Variants in PRR16 observed in about 807,000 individuals in gnomAD.
The protein encoded by PRR16 is protein Largen.
In PRR16, 6 loss-of-function variants were observed where a neutral mutation model predicts 18.2. The observed-to-expected ratio is 0.33, with a 90% CI of 0.18 to 0.65. PRR16 has a LOEUF of 0.65. Ranked by LOEUF, PRR16 falls within the 30% of genes least tolerant of loss-of-function variation. PRR16 has a pLI of 0.74. For missense variants in PRR16, 412 were observed against 376.6 expected (o/e 1.09, Z -0.78); for synonymous variants, 151 against 147.8 (o/e 1.02, Z -0.16).
chr5:120,505,422 C>T (rs1750607676), intron 1 of PRR16, among the ~76,000 whole-genome samples: 1 of 151,432 alleles, frequency 6.6e-6, no homozygotes. Flanking sequence ...GGCAGGTGTC[C>T]AATCACAAAT....
chr5:120,555,065 C>G (rs1446483646), intron 1 of PRR16, among the ~76,000 whole-genome samples: 1 of 151,812 alleles, frequency 6.6e-6, no homozygotes, highest in Admixed American at 6.6e-5. Context: ...TTAATAATCT[C>G]TATACATTCT....
intron 1 of PRR16, among the ~76,000 whole-genome samples, chr5:120,556,233 G>GTTTTTTTTTTT (rs34053155): frequency 8.2e-6 from 1 of 121,760 alleles, no homozygotes; most frequent in African/African-American, 3.1e-5. Context: ...CAATTTCATT[G>GTTTTTTTTTTT]TTTTTTTTTT....
At chr5:120,539,186 A>G (rs939786578) in intron 1 of PRR16, among the ~76,000 whole-genome samples, 3 of 152,062 alleles carry the variant, frequency 2.0e-5, no homozygotes, top group Admixed American at 1.3e-4. Context: ...GAAGAATGCT[A>G]GGTTTTTAAA....
intron 1 of PRR16, among the ~76,000 whole-genome samples, chr5:120,645,726 C>A (rs933002100): frequency 6.6e-6 from 1 of 151,928 alleles, no homozygotes; most frequent in Non-Finnish European, 1.5e-5. Context: ...TCTCAAGAGC[C>A]AAGTTTCTTT....
the PRR16 span, among the ~76,000 whole-genome samples, chr5:120,729,222 A>G: frequency 6.6e-6 from 1 of 152,162 alleles, no homozygotes; most frequent in South Asian, 2.1e-4. Flanking sequence ...TTTTATAGCT[A>G]AACAAAGCCA....
At chr5:120,745,951 A>G in the PRR16 span, among the ~76,000 whole-genome samples, 11 of 148,892 alleles carry the variant, frequency 7.4e-5, no homozygotes, top group Admixed American at 6.8e-4. Context: ...ACCTCAAGTG[A>G]TTCACCCATC....
chr5:120,679,621 C>A (rs1756909948), intron 1 of PRR16, among the ~76,000 whole-genome samples: 1 of 152,082 alleles, frequency 6.6e-6, no homozygotes, highest in Admixed American at 6.5e-5. Flanking sequence ...TATTTTATTT[C>A]TTTCTAAATA....
At chr5:120,666,005 G>C (rs1258263865) in intron 1 of PRR16, among the ~76,000 whole-genome samples, 2 of 152,058 alleles carry the variant, frequency 1.3e-5, no homozygotes, top group African/African-American at 4.8e-5. Flanking sequence ...AAAGTCATTG[G>C]TAGCTTGATG....
At chr5:120,607,746 C>G (rs972698221) in intron 1 of PRR16, among the ~76,000 whole-genome samples, 2 of 151,912 alleles carry the variant, frequency 1.3e-5, no homozygotes, top group Non-Finnish European at 2.9e-5. Context: ...GGTGGTGGTG[C>G]TTTTGTTTTC....
intron 1 of PRR16, among the ~76,000 whole-genome samples, chr5:120,664,580 T>A (rs952021728): frequency 1.3e-5 from 2 of 151,970 alleles, no homozygotes; most frequent in African/African-American, 4.8e-5. Context: ...TAGCATTAGG[T>A]ATATCTCCTA....
chr5:120,702,855 G>C, the PRR16 span, among the ~76,000 whole-genome samples: 2 of 152,170 alleles, frequency 1.3e-5, no homozygotes, highest in Non-Finnish European at 2.9e-5. Flanking sequence ...TGGTCGGTCT[G>C]AGGACCTGAG....
At position 120,574,302 on chromosome 5, in the gene PRR16, C is replaced by A. The variant is rs182710318; in HGVS notation, c.159+109657C>A. Among the ~76,000 whole-genome samples the A allele has an allele frequency of 7.0e-4, 106 of 151,940 alleles. 1 individual carries two copies. Among genetic ancestry groups the A allele is most frequent in the African/African-American group, 2.4e-3 (100 of 41,458 alleles). Reference sequence around the variant, plus strand: ...AAAATATACAAAAGATATGAATAGCCACTTTATAAAGGAGGATGTCAGCTG... The same window carrying A: ...AAAATATACAAAAGATATGAATAGCAACTTTATAAAGGAGGATGTCAGCTG... On this transcript the variant is annotated intron_variant, in intron 1 of 1. Transcript: ENST00000407149.
chr5:120,516,047 A>G (rs903164119), intron 1 of PRR16, among the ~76,000 whole-genome samples: 9 of 152,108 alleles, frequency 5.9e-5, no homozygotes, highest in Admixed American at 3.9e-4. Flanking sequence ...TTTTAGTACA[A>G]CTGCTTCCCT....
At chr5:120,648,487 G>C (rs1002950306) in intron 1 of PRR16, among the ~76,000 whole-genome samples, 2 of 152,054 alleles carry the variant, frequency 1.3e-5, no homozygotes, top group Admixed American at 6.6e-5. Context: ...GTTAAGCTCA[G>C]TATAGAAGCT....
intron 1 of PRR16, among the ~76,000 whole-genome samples, chr5:120,669,598 C>T (rs1042828495): frequency 6.6e-6 from 1 of 152,006 alleles, no homozygotes; most frequent in South Asian, 2.1e-4. Flanking sequence ...CCTCCACATA[C>T]TAAAATTGAA....
chr5:120,564,543 A>C (rs963927829), intron 1 of PRR16, among the ~76,000 whole-genome samples: 5 of 152,158 alleles, frequency 3.3e-5, no homozygotes, highest in African/African-American at 4.8e-5. Flanking sequence ...ACAAGGCAGC[A>C]CTGAGTTCAA....
At chr5:120,672,786 A>T (rs984682875) in intron 1 of PRR16, among the ~76,000 whole-genome samples, 1 of 152,210 alleles carries the variant, frequency 6.6e-6, no homozygotes, top group Admixed American at 6.5e-5. Context: ...ACGAAAAGAG[A>T]TTATAGATAT....
chr5:120,653,159 A>G (rs967050409), intron 1 of PRR16, among the ~76,000 whole-genome samples: 3 of 151,964 alleles, frequency 2.0e-5, no homozygotes, highest in African/African-American at 7.2e-5. Context: ...TGGAAGGAGC[A>G]CAAGGTGTTT....
chr5:120,768,193 T>C, the PRR16 span, among the ~76,000 whole-genome samples: 2 of 151,844 alleles, frequency 1.3e-5, no homozygotes, highest in African/African-American at 2.4e-5. Context: ...CATATTTTAA[T>C]TTTCAAAAAC....
Sources: allele counts gnomAD v4.1 joint callset (sites outside exome capture counted in the v4.1 genomes callset), GRCh38; gene constraint gnomAD v4.1.1; transcripts MANE v1.5; gene names NCBI Gene and HGNC (gene_info 2026-07-23, HGNC 2026-07-21).